PRKN: variants seen among roughly 807,000 people sequenced by gnomAD.
PRKN encodes parkin RBR E3 ubiquitin protein ligase.
PRKN carries 56 observed loss-of-function variants against 59.5 expected under a neutral mutation model. The ratio of observed to expected loss-of-function variants is 0.94; its 90% CI spans 0.76 to 1.18. The LOEUF (loss-of-function observed/expected upper bound fraction) is 1.18. Ranked by LOEUF, PRKN falls within the 50% of genes most tolerant of loss-of-function variation. The probability of loss-of-function intolerance (pLI) is 0.00; values close to 1 mark genes in which losing one functional copy is unlikely to be tolerated. For missense variants in PRKN, 657 were observed against 596.4 expected, an observed-to-expected ratio of 1.10 and a Z score of -1.06; for synonymous variants, 250 against 222.1, an observed-to-expected ratio of 1.13 and a Z score of -1.12.
At chr6:161,514,161 G>C (rs996345258) in intron 9 of PRKN, among the ~76,000 whole-genome samples, 4 of 152,004 alleles carry the variant, frequency 2.6e-5, no homozygotes, top group Non-Finnish European at 5.9e-5. Context: ...GAATGAATGA[G>C]AGAACCAAAG....
chr6:161,720,846 T>C (rs1787191124), intron 7 of PRKN, among the ~76,000 whole-genome samples: 1 of 152,134 alleles, frequency 6.6e-6, no homozygotes, highest in South Asian at 2.1e-4. Flanking sequence ...ACCTTACAAA[T>C]TAGCAAATGT....
At chr6:161,596,156 C>T (rs775048750) in intron 7 of PRKN, among the ~76,000 whole-genome samples, 22 of 152,080 alleles carry the variant, frequency 1.4e-4, no homozygotes, top group Non-Finnish European at 2.8e-4. Flanking sequence ...TTTTGTGTTT[C>T]GACACATTCT....
intron 1 of PRKN, among the ~76,000 whole-genome samples, chr6:162,642,233 C>T (rs1306730305): frequency 6.6e-6 from 1 of 152,114 alleles, no homozygotes; most frequent in African/African-American, 2.4e-5. Context: ...CAACACATAC[C>T]TTCCTAAAGC....
chr6:162,093,665 A>G (rs992033711), intron 4 of PRKN, among the ~76,000 whole-genome samples: 1 of 152,152 alleles, frequency 6.6e-6, no homozygotes, highest in Non-Finnish European at 1.5e-5. Context: ...CCCCCTAAAC[A>G]TTTATGTGAA....
chr6:162,262,339 A>G, intron 3 of PRKN, 186 bp downstream of exon 3: 1 of 742,940 alleles, frequency 1.3e-6, no homozygotes, highest in Non-Finnish European at 2.4e-6. Context: ...AGTACTTACA[A>G]TAAATGCATT....
In PRKN at chr6:161,462,924, T is replaced by TTAGTATTAACAAGGCACTA. The variant is rs1790288041; in HGVS notation, c.1084-76066_1084-76048dup. 6.6e-6 allele frequency among the ~76,000 whole-genome samples: 1 copy of TTAGTATTAACAAGGCACTA among 152,210 alleles called. No homozygotes were observed. The highest frequency in any genetic ancestry group is 6.5e-5 in the Admixed American group (1 of 15,276). On this transcript the variant is annotated intron_variant, in intron 9 of 11. Coordinates refer to ENST00000366898, the MANE Select transcript of PRKN (RefSeq NM_004562.3). This position sits in a 1 kb window ranked among gnomAD's most constrained non-coding sequence, Gnocchi z 4.5. ...TCAGTTTTTTTGTTTGGTAGAGCAC[T>TTAGTATTAACAAGGCACTA]TAGTATTAACAAGGCACTACAGTAG...
intron 1 of PRKN, among the ~76,000 whole-genome samples, chr6:162,510,730 T>A (rs912727175): frequency 6.6e-6 from 1 of 152,142 alleles, no homozygotes; most frequent in Non-Finnish European, 1.5e-5. Flanking sequence ...AAGACCAGCC[T>A]GTCCAACGTA....
chr6:161,351,609 G>C (rs1045457165), intron 11 of PRKN, among the ~76,000 whole-genome samples: 6 of 152,276 alleles, frequency 3.9e-5, no homozygotes, highest in Admixed American at 3.9e-4. Context: ...ACAGGCGTGA[G>C]CTACCGCACC....
At position 161,428,184 on chromosome 6, in the gene PRKN, C is replaced by A. The variant is rs1788479327; in HGVS notation, c.1084-41307G>T. On this transcript the variant is annotated intron_variant, in intron 9 of 11. Coordinates refer to ENST00000366898, the MANE Select transcript of PRKN (RefSeq NM_004562.3). This position sits in a 1 kb window ranked among gnomAD's most constrained non-coding sequence, Gnocchi z 4.0. ...GCCTCCATCTCAGGGCAACATAGGG[C>A]AACTTCTTTCTTCTACTCACATTCT... Among the ~76,000 whole-genome samples, 1 of 152,178 alleles carries A rather than the reference C, an allele frequency of 6.6e-6. No homozygotes were observed. Among genetic ancestry groups the A allele is most frequent in the Non-Finnish European group, 1.5e-5 (1 of 68,036 alleles).
At chr6:161,824,460 C>T (rs1792159625) in intron 6 of PRKN, among the ~76,000 whole-genome samples, 1 of 152,180 alleles carries the variant, frequency 6.6e-6, no homozygotes, top group Admixed American at 6.5e-5. Context: ...GGTATTTCCA[C>T]ACTTGAAGTG....
intron 1 of PRKN, among the ~76,000 whole-genome samples, chr6:162,530,514 G>C (rs1404385020): frequency 6.6e-6 from 1 of 152,206 alleles, no homozygotes; most frequent in East Asian, 1.9e-4. Context: ...CATTTCCTTG[G>C]GTGAATATTT....
At chr6:161,718,349 T>A (rs972198879) in intron 7 of PRKN, among the ~76,000 whole-genome samples, 15 of 148,346 alleles carry the variant, frequency 1.0e-4, no homozygotes, top group African/African-American at 3.7e-4. Flanking sequence ...GCCTAATAAT[T>A]CCCATATGAC....
chr6:162,602,830 C>T (rs73595960), intron 1 of PRKN, among the ~76,000 whole-genome samples: 3,127 of 150,652 alleles, frequency 0.021, 107 homozygotes, highest in African/African-American at 0.072. Flanking sequence ...CAGAGAGTGG[C>T]CTTTTAGAAA....
chr6:162,553,122 G>A (rs1177084821), intron 1 of PRKN, among the ~76,000 whole-genome samples: 1 of 152,054 alleles, frequency 6.6e-6, no homozygotes, highest in Non-Finnish European at 1.5e-5. Flanking sequence ...AGAGGCAGAC[G>A]CTCTTACAAC....
chr6:161,822,221 G>A (rs1353256920), intron 6 of PRKN, among the ~76,000 whole-genome samples: 2 of 152,104 alleles, frequency 1.3e-5, no homozygotes, highest in African/African-American at 4.8e-5. Flanking sequence ...TTAAAGTTAG[G>A]GATACTCATG....
Position 161,547,311 on chromosome 6 carries a change from C to T in PRKN, c.1083+1543G>A, listed in dbSNP as rs2115422854. On this transcript the variant is annotated intron_variant, in intron 9 of 11. Coordinates refer to ENST00000366898, the MANE Select transcript of PRKN (RefSeq NM_004562.3). The surrounding 1 kb of genome is among the most constrained non-coding windows in gnomAD (Gnocchi z 4.0). Reference sequence around the variant, plus strand: ...AAAGTTGCCTGCAGACTCTTTTAATCCAAAGACATTACAGCATTTTGATTC... The same window carrying T: ...AAAGTTGCCTGCAGACTCTTTTAATTCAAAGACATTACAGCATTTTGATTC... Among the ~76,000 whole-genome samples, 1 of 152,226 alleles carries T rather than the reference C, an allele frequency of 6.6e-6. No individual in the cohort carries two copies. The highest frequency in any genetic ancestry group is 1.9e-4 in the East Asian group (1 of 5,172).
chr6:161,866,810 T>A lies in PRKN; in HGVS notation c.735-80902A>T, dbSNP rs58186444. On this transcript the variant is annotated intron_variant, in intron 6 of 11. Transcript: ENST00000366898. ...TGAGTAGGTGTGGGAGGATGTGGGG[T>A]AAGGACAGGGAGGAGCTGGTGGAAA... Among the ~76,000 whole-genome samples, 505 of 150,966 alleles carry A rather than the reference T, an allele frequency of 3.3e-3. 5 individuals are homozygous for A. The highest frequency in any genetic ancestry group is 0.017 in the Middle Eastern group (5 of 294).
intron 1 of PRKN, among the ~76,000 whole-genome samples, chr6:162,548,962 G>A (rs7757113): frequency 0.18 from 28,082 of 152,034 alleles, 2,758 homozygotes; most frequent in South Asian, 0.35. Flanking sequence ...GTCCTTTGAG[G>A]TAAAGGGATT....
In PRKN at chr6:162,307,411, A is replaced by AAC. The variant is rs1554298123; in HGVS notation, c.172-44647_172-44646insGT. 1.5e-4 allele frequency among the ~76,000 whole-genome samples: 22 copies of AAC among 151,358 alleles called. 1 individual carries two copies. Among genetic ancestry groups the AAC allele is most frequent in the African/African-American group, 5.1e-4 (21 of 40,936 alleles). ...AGACACCGTCTCAATAAAAAAAAAA[A>AAC]AAAAAAACACCAACTAGATATAACT... On this transcript the variant is annotated intron_variant, in intron 2 of 11. Coordinates refer to ENST00000366898, the MANE Select transcript of PRKN (RefSeq NM_004562.3).
Sources: allele counts gnomAD v4.1 joint callset (sites outside exome capture counted in the v4.1 genomes callset), GRCh38; gene constraint gnomAD v4.1.1; non-coding constraint Gnocchi (gnomAD v3.1); transcripts MANE v1.5; gene names NCBI Gene and HGNC (gene_info 2026-07-23, HGNC 2026-07-21).